LATS1: variants seen among roughly 807,000 people sequenced by gnomAD.
The protein encoded by LATS1 is large tumor suppressor kinase 1.
Under a neutral mutation model 106.6 loss-of-function variants are expected in LATS1, and 25 were observed. The ratio of observed to expected loss-of-function variants is 0.23; its 90% confidence interval spans 0.17 to 0.33. The LOEUF is 0.33. Ranked by LOEUF, LATS1 falls within the 10% of genes least tolerant of loss-of-function variation. The pLI, the probability that LATS1 is intolerant of heterozygous loss-of-function variation, is 1.00. For synonymous variants in LATS1, 465 were observed against 455.6 expected (o/e 1.02, Z -0.26); for missense variants, 1,040 against 1,382.6 (o/e 0.75, Z 3.93).
chr6:149,716,985 T>C (rs1416649478), intron 1 of LATS1, among the ~76,000 whole-genome samples: 1 of 150,086 alleles, frequency 6.7e-6, no homozygotes, highest in Non-Finnish European at 1.5e-5. Flanking sequence ...TAACCTTCAA[T>C]AAATAATTCA....
intron 7 of LATS1, chr6:149,675,960 C>A: frequency 3.5e-6 from 1 of 286,156 alleles, no homozygotes; most frequent in South Asian, 4.0e-5. Flanking sequence ...GGAGTTCACG[C>A]ATGCAATTCT....
chr6:149,683,856 C>T lies in LATS1; in HGVS notation c.1233G>A (p.Val411=). ...TNGSIPQSMM[V]PNRNSHNMEL... is the part of the protein sequence containing the mutation. ...CCATGTTATGACTATTTCTGTTTGG[C>T]ACCATCATAGACTGAGGAATACTTC... Residue 411 remains valine, a synonymous_variant, in exon 4 of 8, where the codon GTG becomes GTA. Transcript: ENST00000543571. 1.2e-6 allele frequency: 2 copies of T among 1,614,124 alleles called. No individual in the cohort carries two copies. The highest frequency in any genetic ancestry group is 1.7e-6 in the Non-Finnish European group (2 of 1,180,026).
Position 149,683,099 on chromosome 6 carries a change from A to G in LATS1, c.1990T>C (p.Leu664=). ...TTTACCCGCATCATTTCATTCTCTAATTGTTTTTTACGATGTAGACGCTGC... is the reference window on the plus strand; with the variant it reads ...TTTACCCGCATCATTTCATTCTCTAGTTGTTTTTTACGATGTAGACGCTGC... ...HQQRLHRKKQ[L]ENEMMRVGLS... The change falls in exon 4 of 8, where the codon TTA becomes CTA. Residue 664 remains leucine (L), a synonymous_variant. Coordinates refer to ENST00000543571, the MANE Select transcript of LATS1 (RefSeq NM_004690.4). 6.2e-7 allele frequency: 1 copy of G among 1,612,182 alleles called. No individual in the cohort carries two copies. Among genetic ancestry groups the G allele is most frequent in the Non-Finnish European group, 8.5e-7 (1 of 1,179,302 alleles).
At chr6:149,668,743 C>T (rs1459119828) in intron 7 of LATS1, among the ~76,000 whole-genome samples, 1 of 151,890 alleles carries the variant, frequency 6.6e-6, no homozygotes, top group African/African-American at 2.4e-5. Flanking sequence ...CTGCATTCAG[C>T]CTGTCACCTT....
chr6:149,700,345 C>T (rs1437654159), intron 2 of LATS1, among the ~76,000 whole-genome samples: 2 of 151,784 alleles, frequency 1.3e-5, no homozygotes, highest in African/African-American at 2.4e-5. Context: ...TCGTGGTGGG[C>T]GCCTATAGTC....
chr6:149,699,730 G>T lies in LATS1; in HGVS notation c.348+2049C>A, dbSNP rs114001089. Among the ~76,000 whole-genome samples, 248 of 152,236 alleles carry T rather than the reference G, an allele frequency of 1.6e-3. 1 individual carries two copies. The highest frequency in any genetic ancestry group is 5.6e-3 in the African/African-American group (234 of 41,548). ...CCAATGCCTTAGATTTCCTAAAACT[G>T]TCTTTATTAGAAAGAACTTTTAATT... On this transcript the variant is annotated intron_variant, in intron 2 of 7. Transcript: ENST00000543571.
intron 1 of LATS1, among the ~76,000 whole-genome samples, chr6:149,713,730 G>A (rs1404096799): frequency 6.6e-6 from 1 of 151,694 alleles, no homozygotes; most frequent in Admixed American, 6.6e-5. Context: ...CGTGATCTCA[G>A]CTGACTGCAA....
chr6:149,702,841 T>C (rs948152641), intron 1 of LATS1, among the ~76,000 whole-genome samples: 1 of 150,444 alleles, frequency 6.6e-6, no homozygotes, highest in African/African-American at 2.4e-5. Flanking sequence ...CCAGCTAACT[T>C]TTTTTGTATT....
intron 1 of LATS1, among the ~76,000 whole-genome samples, chr6:149,715,315 C>T (rs929406087): frequency 6.6e-6 from 1 of 152,142 alleles, no homozygotes; most frequent in Non-Finnish European, 1.5e-5. Context: ...GTAATCCGCC[C>T]TCCTTGGCCT....
At chr6:149,662,330 TTTTG>T in intron 7 of LATS1, 92 bp from the exon 8 acceptor site, 2 of 1,092,520 alleles carry the variant, frequency 1.8e-6, no homozygotes, top group Non-Finnish European at 2.6e-6. Flanking sequence ...ACTGGGCTAT[TTTTG>T]TATTTTAAAT....
rs369690270 is a variant in LATS1 at position 149,698,651 on chromosome 6, A to G, written c.348+3128T>C. On this transcript the variant is annotated intron_variant, in intron 2 of 7. Transcript: ENST00000543571. ...CTGCAACCTCCGCCGCCCAGGTTCAAGTGATGATTCTCCTACCTCAGCCAC... is the reference window on the plus strand; with the variant it reads ...CTGCAACCTCCGCCGCCCAGGTTCAGGTGATGATTCTCCTACCTCAGCCAC... 5.9e-5 allele frequency among the ~76,000 whole-genome samples: 9 copies of G among 151,872 alleles called. No individual in the cohort carries two copies. The East Asian group carries it at 9.7e-4, about 16-fold the overall frequency.
At chr6:149,705,046 T>C (rs1783685971) in intron 1 of LATS1, among the ~76,000 whole-genome samples, 1 of 151,214 alleles carries the variant, frequency 6.6e-6, no homozygotes, top group African/African-American at 2.4e-5. Context: ...TAGCTATGAA[T>C]CAATCAAACT....
intron 1 of LATS1, among the ~76,000 whole-genome samples, chr6:149,707,899 CAG>C (rs1365753011): frequency 6.6e-6 from 1 of 151,968 alleles, no homozygotes; most frequent in Non-Finnish European, 1.5e-5. Context: ...TTTTTAGAGA[CAG>C]GGGCTCACCA....
rs1184865347 is a variant in LATS1, at chr6:149,660,779, C to A, written c.*950G>T. 4.5e-6 allele frequency: 1 copy of A among 223,688 alleles called. No homozygotes were observed. The highest frequency in any genetic ancestry group is 8.9e-6 in the Non-Finnish European group (1 of 112,126). 13.9% of individuals were successfully genotyped at this position (223,688 alleles called of 1,614,324 possible). On this transcript the variant is annotated 3_prime_UTR_variant, in exon 8 of 8. Coordinates refer to ENST00000543571, the MANE Select transcript of LATS1 (RefSeq NM_004690.4). ...GCTTAGGTAAAATATTGCCAGATAGCCAGATTTTCCTTTGCCAATAACAAT... is the reference window on the plus strand; with the variant it reads ...GCTTAGGTAAAATATTGCCAGATAGACAGATTTTCCTTTGCCAATAACAAT...
chr6:149,712,543 G>A (rs2115021949), intron 1 of LATS1, among the ~76,000 whole-genome samples: 1 of 151,824 alleles, frequency 6.6e-6, no homozygotes, highest in East Asian at 1.9e-4. Context: ...AGAGATGAGG[G>A]TCTCGCTATG....
At position 149,704,493 on chromosome 6, in the gene LATS1, G is replaced by GTT. The variant is rs11408785; in HGVS notation, c.-140-2229_-140-2228dup. On this transcript the variant is annotated intron_variant, in intron 1 of 7. Coordinates refer to ENST00000543571, the MANE Select transcript of LATS1 (RefSeq NM_004690.4). ...GGGTAAACTTAGGGGTTTTTTTTTTGTTTTTTTTTTTGAGACAGGGTCTCA... is the reference window on the plus strand; with the variant it reads ...GGGTAAACTTAGGGGTTTTTTTTTTGTTTTTTTTTTTTTGAGACAGGGTCTCA... Among the ~76,000 whole-genome samples the GTT allele has an allele frequency of 7.6e-4, 106 of 139,898 alleles. 1 individual carries two copies. The highest frequency in any genetic ancestry group is 3.0e-3 in the Admixed American group (42 of 13,960). The allele number at this position is 139,898 out of a possible 152,430, so 91.8% of individuals were successfully genotyped here. A position where few individuals can be genotyped will look rare whatever the true frequency, so the allele number is the denominator to read the frequency against.
At chr6:149,670,699 T>C (rs1562320950) in intron 7 of LATS1, among the ~76,000 whole-genome samples, 1 of 152,062 alleles carries the variant, frequency 6.6e-6, no homozygotes, top group South Asian at 2.1e-4. Flanking sequence ...CTCTGGCAGA[T>C]TTAAAGAGAC....
In LATS1 at chr6:149,684,363, T is replaced by C; in HGVS notation, c.726A>G (p.Val242=). 1 of 1,613,776 alleles carries C rather than the reference T, an allele frequency of 6.2e-7. No homozygotes were observed. Among genetic ancestry groups the C allele is most frequent in the Non-Finnish European group, 8.5e-7 (1 of 1,179,764 alleles). ...QRVNPPPPPQ[V]RSVTPPPPPR... is the part of the protein sequence containing the mutation. ...GAGGTGGTGGAGGAGTAACACTCCT[T>C]ACTTGAGGTGGTGGTGGGGGGTTCA... The change falls in exon 4 of 8, where the codon GTA becomes GTG. Residue 242 remains valine, a synonymous_variant. Coordinates refer to ENST00000543571, the MANE Select transcript of LATS1 (RefSeq NM_004690.4).
Position 149,678,852 on chromosome 6 carries a change from C to T in LATS1, c.2593+1023G>A, listed in dbSNP as rs528055592. Among the ~76,000 whole-genome samples the T allele has an allele frequency of 3.9e-5, 6 of 152,114 alleles. No individual in the cohort carries two copies. In the South Asian group the frequency reaches 1.2e-3, roughly 32 times the overall value. ...CTAGGTCTCAGTTTCTTCATCCTGC[C>T]TCACAGTGACATTGTGAGGATAAAA... On this transcript the variant is annotated intron_variant, in intron 5 of 7. Coordinates refer to ENST00000543571, the MANE Select transcript of LATS1 (RefSeq NM_004690.4).
Sources: allele counts gnomAD v4.1 joint callset (sites outside exome capture counted in the v4.1 genomes callset), GRCh38; gene constraint gnomAD v4.1.1; transcripts MANE v1.5; gene names NCBI Gene and HGNC (gene_info 2026-07-23, HGNC 2026-07-21).